Variants in ST8SIA6 observed in about 807,000 individuals in gnomAD.
ST8SIA6 encodes alpha-2,8-sialyltransferase 8F.
A neutral mutation model predicts 33.6 loss-of-function variants in ST8SIA6; 39 were observed. The observed-to-expected ratio is 1.16, with a 90% confidence interval of 0.90 to 1.52. The LOEUF is 1.52. Among genes scored for constraint, ST8SIA6 ranks in the 40% most tolerant of loss-of-function variants. The probability of loss-of-function intolerance (pLI) is 0.00; values close to 1 mark genes in which losing one functional copy is unlikely to be tolerated. For missense variants in ST8SIA6, 441 were observed against 443.8 expected (o/e 0.99, Z 0.06); for synonymous variants, 172 against 167.2 (o/e 1.03, Z -0.22).
chr10:17,446,038 TA>T (rs559392551), intron 2 of ST8SIA6, among the ~76,000 whole-genome samples: 3,304 of 147,900 alleles, frequency 0.022, 38 homozygotes, highest in African/African-American at 0.033. Flanking sequence ...TTATCACAAT[TA>T]AAAAAAAAAA....
intron 2 of ST8SIA6, among the ~76,000 whole-genome samples, chr10:17,394,098 C>A (rs1021749896): frequency 2.0e-5 from 3 of 152,132 alleles, no homozygotes; most frequent in African/African-American, 7.2e-5. Context: ...CCAGTAGGCA[C>A]CAATAGGATT....
chr10:17,389,277 C>T (rs771719660), intron 3 of ST8SIA6, among the ~76,000 whole-genome samples: 8 of 152,222 alleles, frequency 5.3e-5, no homozygotes, highest in Non-Finnish European at 8.8e-5. Flanking sequence ...GTGAATTACT[C>T]TTTCTCCATT....
At chr10:17,333,689 ATATATATATATATATATATATATATATAT>A (rs1848380122) in intron 4 of ST8SIA6, among the ~76,000 whole-genome samples, 1 of 13,384 alleles carries the variant, frequency 7.5e-5, no homozygotes, top group African/African-American at 3.5e-4. Context: ...ATATATATAT[ATATATATATATATATATATATATATATAT>A]TTTTTTTTTT....
rs1847748092 is a variant in ST8SIA6, at chr10:17,315,633, CA to C, written c.*5244del. Among the ~76,000 whole-genome samples, 2 of 151,790 alleles carry C rather than the reference CA, an allele frequency of 1.3e-5. No individual in the cohort carries two copies. Among genetic ancestry groups the C allele is most frequent in the Admixed American group, 6.6e-5 (1 of 15,202 alleles). ...GTGCAAGACAAGAAATGAGTACAGA[CA>C]GTAAGATTCCATTTATATAAAATTC... On this transcript the variant is annotated 3_prime_UTR_variant, in exon 8 of 8. Transcript: ENST00000377602.
intron 3 of ST8SIA6, among the ~76,000 whole-genome samples, chr10:17,378,008 T>G (rs1171416269): frequency 6.6e-6 from 1 of 152,096 alleles, no homozygotes; most frequent in Non-Finnish European, 1.5e-5. Context: ...GCCTGCTCTC[T>G]CTAGACCTTT....
intron 2 of ST8SIA6, among the ~76,000 whole-genome samples, chr10:17,450,839 T>G (rs981099466): frequency 6.6e-6 from 1 of 152,208 alleles, no homozygotes; most frequent in African/African-American, 2.4e-5. Context: ...AGAAAGAGTC[T>G]CTTCAATTGT....
chr10:17,327,673 A>G (rs113358526), intron 5 of ST8SIA6, among the ~76,000 whole-genome samples: 2,856 of 152,232 alleles, frequency 0.019, 30 homozygotes, highest in African/African-American at 0.023. Flanking sequence ...GGAGGCTGCC[A>G]AAATGAGAGA....
intron 2 of ST8SIA6, among the ~76,000 whole-genome samples, chr10:17,438,407 C>A (rs1315031803): frequency 6.6e-6 from 1 of 152,022 alleles, no homozygotes; most frequent in Non-Finnish European, 1.5e-5. Flanking sequence ...GCTCTGGGAC[C>A]CCAGCTGGTA....
chr10:17,404,031 C>T (rs1851150939), intron 2 of ST8SIA6, among the ~76,000 whole-genome samples: 2 of 144,414 alleles, frequency 1.4e-5, no homozygotes, highest in Admixed American at 7.1e-5. Context: ...TGCCACTGCA[C>T]TCCAGCCTGG....
Position 17,323,045 on chromosome 10 carries a change from T to G in ST8SIA6, c.728+20A>C, listed in dbSNP as rs7085750. 0.34 allele frequency: 536,275 copies of G among 1,595,520 alleles called. 97,244 individuals are homozygous for G. Among genetic ancestry groups the G allele is most frequent in the African/African-American group, 0.65 (48,563 of 74,438 alleles). On this transcript the variant is annotated intron_variant, in intron 7 of 7. Coordinates refer to ENST00000377602, the MANE Select transcript of ST8SIA6 (RefSeq NM_001004470.3). ...ATGAAAAAGTGTTCCTGATCAGTTATGTAACTTGCAGCTACTTACTTCAGA... is the reference window on the plus strand; with the variant it reads ...ATGAAAAAGTGTTCCTGATCAGTTAGGTAACTTGCAGCTACTTACTTCAGA...
chr10:17,399,057 A>G (rs541281600), intron 2 of ST8SIA6: 1 of 152,324 alleles, frequency 6.6e-6, no homozygotes, highest in South Asian at 2.1e-4. Flanking sequence ...ATCGTCTTGT[A>G]TGAATCTGTT....
chr10:17,360,936 AAGG>A (rs1466468433), intron 3 of ST8SIA6, among the ~76,000 whole-genome samples: 2 of 138,454 alleles, frequency 1.4e-5, no homozygotes, highest in African/African-American at 5.4e-5. Context: ...AGAAGAGGAA[AAGG>A]AAGAAGAAGA....
intron 6 of ST8SIA6, among the ~76,000 whole-genome samples, chr10:17,324,021 T>C (rs567272516): frequency 2.0e-5 from 3 of 152,306 alleles, no homozygotes; most frequent in African/African-American, 7.2e-5. Context: ...TATAGTGATG[T>C]TTTCAAACTG....
intron 2 of ST8SIA6, among the ~76,000 whole-genome samples, chr10:17,445,353 C>T (rs896874895): frequency 6.6e-6 from 1 of 152,168 alleles, no homozygotes; most frequent in African/African-American, 2.4e-5. Context: ...ATTTCGGTGG[C>T]AACAGATCAG....
rs955139585 is a variant in ST8SIA6 at position 17,316,130 on chromosome 10, T to A, written c.*4748A>T. 2.0e-5 allele frequency among the ~76,000 whole-genome samples: 3 copies of A among 152,012 alleles called. No homozygotes were observed. Among genetic ancestry groups the A allele is most frequent in the Non-Finnish European group, 2.9e-5 (2 of 67,914 alleles). On this transcript the variant is annotated 3_prime_UTR_variant, in exon 8 of 8. Transcript: ENST00000377602. ...TTGCTGTATTAAATATAATAACATGTATATTTTTCTTCTTTATCCCTAAAC... is the reference window on the plus strand; with the variant it reads ...TTGCTGTATTAAATATAATAACATGAATATTTTTCTTCTTTATCCCTAAAC...
intron 2 of ST8SIA6, among the ~76,000 whole-genome samples, chr10:17,422,964 T>C (rs761607382): frequency 3.2e-4 from 49 of 152,312 alleles, no homozygotes; most frequent in Non-Finnish European, 6.3e-4. Context: ...TCACTTTGAA[T>C]ACAGCCAAGT....
chr10:17,436,478 T>C (rs569539321), intron 2 of ST8SIA6, among the ~76,000 whole-genome samples: 33 of 151,758 alleles, frequency 2.2e-4, no homozygotes, highest in Admixed American at 8.5e-4. Flanking sequence ...CCCATTAACT[T>C]GTCATTTAGC....
intron 5 of ST8SIA6, among the ~76,000 whole-genome samples, chr10:17,328,273 C>T (rs1588784111): frequency 6.6e-6 from 1 of 152,328 alleles, no homozygotes; most frequent in South Asian, 2.1e-4. Flanking sequence ...CCTGCCGTCT[C>T]TGCGAATGAC....
chr10:17,424,343 A>T (rs887515151), intron 2 of ST8SIA6, among the ~76,000 whole-genome samples: 1 of 152,078 alleles, frequency 6.6e-6, no homozygotes, highest in Non-Finnish European at 1.5e-5. Flanking sequence ...ACCTCAGGTG[A>T]TCCACCTGCC....
Sources: allele counts gnomAD v4.1 joint callset (sites outside exome capture counted in the v4.1 genomes callset), GRCh38; gene constraint gnomAD v4.1.1; transcripts MANE v1.5; gene names NCBI Gene and HGNC (gene_info 2026-07-23, HGNC 2026-07-21).